ENPP1: variants seen among roughly 807,000 people sequenced by gnomAD.
ENPP1 encodes ectonucleotide pyrophosphatase/phosphodiesterase family member 1.
ENPP1 carries 73 observed loss-of-function variants against 122.8 expected under a neutral mutation model. That is an observed-to-expected ratio of 0.59 (90% CI 0.49 to 0.72). The LOEUF (loss-of-function observed/expected upper bound fraction) is 0.72, where lower values mean the gene tolerates loss of function less well. Ranked by LOEUF, ENPP1 falls within the 30% of genes least tolerant of loss-of-function variation. The pLI is 0.00. For synonymous variants in ENPP1, 367 were observed against 391.6 expected, an observed-to-expected ratio of 0.94 and a Z score of 0.74; for missense variants, 978 against 1,128.1, an observed-to-expected ratio of 0.87 and a Z score of 1.91.
chr6:131,879,931 A>G lies in ENPP1; in HGVS notation c.1997A>G (p.Gln666Arg), dbSNP rs139018686. 2 of 1,613,394 alleles carry G rather than the reference A, an allele frequency of 1.2e-6. No homozygotes were observed. Among genetic ancestry groups the G allele is most frequent in the African/African-American group, 2.7e-5 (2 of 74,902 alleles). The change falls in exon 20 of 25, where the codon CAG becomes CGG. Residue 666 changes from glutamine to arginine, a missense_variant. This residue lies in a region of ENPP1 where 644 missense variants were observed against 781.5 expected (regional missense o/e 0.82). Transcript: ENST00000647893. ...CCCTATGGAAGACCTAGAGTTCTCC[A>G]GAAGGAAAACACCATCTGTCTTCTT... ...TLPYGRPRVLQKENTICLLSQ... is the reference protein window; with the variant it reads ...TLPYGRPRVLRKENTICLLSQ...
intron 8 of ENPP1, among the ~76,000 whole-genome samples, chr6:131,861,152 C>G (rs1452459479): frequency 6.6e-6 from 1 of 152,088 alleles, no homozygotes; most frequent in Non-Finnish European, 1.5e-5. Context: ...TCTGTTTTAT[C>G]ATATCTATAA....
At chr6:131,853,985 T>C (rs1175930111) in intron 5 of ENPP1, among the ~76,000 whole-genome samples, 1 of 152,238 alleles carries the variant, frequency 6.6e-6, no homozygotes, top group African/African-American at 2.4e-5. Flanking sequence ...GTATGTGTTG[T>C]TGAAACCTCA....
chr6:131,877,866 A>AAAAATATATATAT (rs1562183349), intron 18 of ENPP1: 1 of 53,026 alleles, frequency 1.9e-5, no homozygotes, highest in Non-Finnish European at 3.0e-5. Flanking sequence ...AAAAAAAAAA[A>AAAAATATATATAT]ATATATATAT....
At chr6:131,886,254 C>T (rs1018854985) in intron 23 of ENPP1, among the ~76,000 whole-genome samples, 3 of 152,070 alleles carry the variant, frequency 2.0e-5, no homozygotes, top group African/African-American at 7.2e-5. Flanking sequence ...CATAGGTGTT[C>T]AAAAATGACA....
rs1369464045 is a variant in ENPP1, at chr6:131,892,817, G to A, written c.*2306G>A. 1 of 152,190 alleles carries A rather than the reference G, an allele frequency of 6.6e-6. No individual in the cohort carries two copies. Among genetic ancestry groups the A allele is most frequent in the East Asian group, 1.9e-4 (1 of 5,184 alleles). The allele number at this position is 152,190 out of a possible 1,614,324, so 9.4% of individuals were successfully genotyped here. A position where few individuals can be genotyped will look rare whatever the true frequency, so the allele number is the denominator to read the frequency against. On this transcript the variant is annotated 3_prime_UTR_variant, in exon 25 of 25. Transcript: ENST00000647893. ...TGGGGCCATGGTGTTTTTCCATGGT[G>A]TTTGGTTGGAGTACAGCCTTTTTTA...
chr6:131,881,070 AG>A (rs1782299058), intron 20 of ENPP1, among the ~76,000 whole-genome samples: 1 of 152,176 alleles, frequency 6.6e-6, no homozygotes, highest in Admixed American at 6.5e-5. Flanking sequence ...GTGACTGGCA[AG>A]GTACAGGATG....
chr6:131,846,705 A>G (rs1332381096), intron 1 of ENPP1, among the ~76,000 whole-genome samples: 1 of 152,174 alleles, frequency 6.6e-6, no homozygotes, highest in Non-Finnish European at 1.5e-5. Flanking sequence ...CCTTCAGTGT[A>G]TAACAGTCTT....
At chr6:131,873,081 A>C (rs752544806) in intron 15 of ENPP1, 31 bp downstream of exon 15, 2 of 1,612,778 alleles carry the variant, frequency 1.2e-6, no homozygotes, top group Non-Finnish European at 1.7e-6. Context: ...AGGTAAACTT[A>C]GTCTGATCGG....
rs770378966 is a variant in ENPP1 at position 131,886,574 on chromosome 6, C to T, written c.2457C>T (p.Val819=). ...SLENLRQKRR[V]IRNQEILIPT... ...GCATGTTTTACAGAAAAAGAAGAGTCATCCGTAACCAAGAAATTTTGATTC... is the reference window on the plus strand; with the variant it reads ...GCATGTTTTACAGAAAAAGAAGAGTTATCCGTAACCAAGAAATTTTGATTC... The change falls in exon 24 of 25, where the codon GTC becomes GTT. Residue 819 remains valine (V), a synonymous_variant. Transcript: ENST00000647893. 6.2e-7 allele frequency: 1 copy of T among 1,612,394 alleles called. No individual in the cohort carries two copies. The highest frequency in any genetic ancestry group is 8.5e-7 in the Non-Finnish European group (1 of 1,178,576).
intron 1 of ENPP1, among the ~76,000 whole-genome samples, chr6:131,822,335 C>A (rs1781493393): frequency 6.6e-6 from 1 of 152,102 alleles, no homozygotes; most frequent in Admixed American, 6.6e-5. Context: ...TGCTATGTGA[C>A]CTTTGAACAA....
intron 3 of ENPP1, 31 bp from the exon 4 acceptor site, chr6:131,851,109 CAT>C: frequency 6.2e-7 from 1 of 1,612,484 alleles, no homozygotes; most frequent in South Asian, 1.1e-5. Flanking sequence ...GAATTTGAGA[CAT>C]AAAACACATT....
rs748324842 is a variant in ENPP1, at chr6:131,890,511, A to G, written c.2778A>G (p.Ter926TrpextTer9). The G allele has an allele frequency of 2.5e-6, 4 of 1,612,326 alleles. No homozygotes were observed. In the Admixed American group the frequency reaches 5.0e-5, roughly 20 times the overall value. Residue 926 changes from the stop codon to tryptophan, a stop_lost, in exon 25 of 25, where the codon TGA becomes TGG. Coordinates refer to ENST00000647893, the MANE Select transcript of ENPP1 (RefSeq NM_006208.3). ...THLPTFSQED[*>W] ...TGCCAACCTTTAGCCAAGAAGACTG[A>G]TATGTTTTTTATCCCCAAACACCAT...
Position 131,874,351 on chromosome 6 carries a change from T to G in ENPP1, c.1635+14T>G, listed in dbSNP as rs1290596326. The G allele has an allele frequency of 7.1e-7, 1 of 1,415,952 alleles. No individual in the cohort carries two copies. Among genetic ancestry groups the G allele is most frequent in the East Asian group, 2.3e-5 (1 of 43,798 alleles). The allele number at this position is 1,415,952 out of a possible 1,614,324, so 87.7% of individuals were successfully genotyped here. On this transcript the variant is annotated intron_variant, in intron 16 of 24. Coordinates refer to ENST00000647893, the MANE Select transcript of ENPP1 (RefSeq NM_006208.3). ...TCAAATATGCAAGTGAGTAAACCTATTATACTTAATTGGATTAAATCTAAA... is the reference window on the plus strand; with the variant it reads ...TCAAATATGCAAGTGAGTAAACCTAGTATACTTAATTGGATTAAATCTAAA...
intron 18 of ENPP1, 75 bp from the exon 19 acceptor site, chr6:131,878,467 T>C (rs1042322068): frequency 1.2e-5 from 10 of 860,310 alleles, no homozygotes; most frequent in Non-Finnish European, 2.0e-5. Context: ...GAATAATCAA[T>C]CTATAGCGGT....
intron 10 of ENPP1, 98 bp from the exon 11 acceptor site, chr6:131,864,767 TG>T: frequency 1.1e-6 from 1 of 872,424 alleles, no homozygotes; most frequent in Non-Finnish European, 2.0e-6. Flanking sequence ...GTTACACCAG[TG>T]TTATAAAATT....
At position 131,808,271 on chromosome 6, in the gene ENPP1, C is replaced by G; in HGVS notation, c.236C>G (p.Ser79Trp). 1.3e-6 allele frequency: 2 copies of G among 1,502,856 alleles called. No individual in the cohort carries two copies. Among genetic ancestry groups the G allele is most frequent in the Non-Finnish European group, 1.8e-6 (2 of 1,123,572 alleles). 93.1% of individuals were successfully genotyped at this position (1,502,856 alleles called of 1,614,324 possible). The part of the protein sequence containing the change: ...AKDPNTYKVL[S>W]LVLSVCVLTT... Reference sequence around the variant, plus strand: ...GACCCCAACACCTATAAAGTACTCTCGCTGGTAGGTCCGCGGCCAGGCCCC... The same window carrying G: ...GACCCCAACACCTATAAAGTACTCTGGCTGGTAGGTCCGCGGCCAGGCCCC... Residue 79 changes from serine to tryptophan, a missense_variant, in exon 1 of 25, where the codon TCG (serine) becomes TGG (tryptophan). By Grantham distance (177) the Ser-to-Trp change is radical. Transcript: ENST00000647893.
intron 1 of ENPP1, chr6:131,826,886 C>A: frequency 2.7e-6 from 1 of 375,140 alleles, no homozygotes; most frequent in Non-Finnish European, 5.0e-6. Flanking sequence ...AGATAAGGTT[C>A]CTTCAGATTC....
chr6:131,877,440 G>A, intron 18 of ENPP1: 1 of 464,320 alleles, frequency 2.2e-6, no homozygotes, highest in Admixed American at 3.4e-5. Flanking sequence ...TACGGGTGTG[G>A]AGAAGTCTAG....
chr6:131,827,757 G>A, intron 1 of ENPP1: 2 of 731,002 alleles, frequency 2.7e-6, no homozygotes, highest in South Asian at 1.4e-5. Flanking sequence ...TGGAAGTTGG[G>A]CTTTCTATAC....
Sources: allele counts gnomAD v4.1 joint callset (sites outside exome capture counted in the v4.1 genomes callset), GRCh38; gene constraint gnomAD v4.1.1; regional missense constraint gnomAD v4.1.1; transcripts MANE v1.5; gene names NCBI Gene and HGNC (gene_info 2026-07-23, HGNC 2026-07-21).